Variants in COL25A1 observed in about 807,000 individuals in gnomAD.
COL25A1 encodes the protein collagen type XXV alpha 1 chain, also known as collagen alpha-1(XXV) chain.
In COL25A1, 103 loss-of-function variants were observed where a neutral mutation model predicts 128.4. The ratio of observed to expected loss-of-function variants is 0.80; its 90% CI spans 0.68 to 0.94. The LOEUF is 0.94. COL25A1 is among the 40% of genes least tolerant of loss of function. The pLI, the probability that COL25A1 is intolerant of heterozygous loss-of-function variation, is 0.00. For synonymous variants in COL25A1, 279 were observed against 277.2 expected (o/e 1.01, Z -0.06); for missense variants, 745 against 840.0 (o/e 0.89, Z 1.40).
Position 109,048,491 on chromosome 4 carries a change from G to C in COL25A1, c.413-316C>G, listed in dbSNP as rs369867673. ...AATTTATAAAAGTTTAGAGAAGTAT[G>C]AATTATGAGAATATTTGGTAATTTA... is the stretch of plus-strand genomic sequence containing the variant. On this transcript the variant is annotated intron_variant, in intron 4 of 37. Coordinates refer to ENST00000399132, the MANE Select transcript of COL25A1 (RefSeq NM_198721.4). Among the ~76,000 whole-genome samples the C allele has an allele frequency of 1.1e-4, 17 of 152,238 alleles. No individual in the cohort carries two copies. In the East Asian group the frequency reaches 2.1e-3, roughly 19 times the overall value.
chr4:109,196,414 T>A (rs748124532), intron 3 of COL25A1, among the ~76,000 whole-genome samples: 6 of 152,148 alleles, frequency 3.9e-5, no homozygotes, highest in Non-Finnish European at 8.8e-5. Context: ...TGTATATATG[T>A]GTATATATGT....
chr4:108,871,223 CAG>C (rs915209674), intron 19 of COL25A1, among the ~76,000 whole-genome samples: 37 of 152,188 alleles, frequency 2.4e-4, no homozygotes, highest in African/African-American at 7.9e-4. Flanking sequence ...TTCTTTGAAA[CAG>C]AAAATTCAGG....
chr4:109,037,918 A>G (rs1240278325), intron 5 of COL25A1, among the ~76,000 whole-genome samples: 1 of 152,228 alleles, frequency 6.6e-6, no homozygotes, highest in Non-Finnish European at 1.5e-5. Flanking sequence ...ATGCATATTT[A>G]CACAACACTG....
rs1171265414 is a variant in COL25A1, at chr4:108,990,212, CAAAAAAAAAAAA to C, written c.439-15665_439-15654del. ...GGGCAACAAGAGCAAAACTCCATCT[CAAAAAAAAAAAA>C]AAAAAAAAAAAAAAAATATATATAT... is the stretch of plus-strand genomic sequence containing the variant. On this transcript the variant is annotated intron_variant, in intron 6 of 37. Transcript: ENST00000399132. 5.5e-4 allele frequency among the ~76,000 whole-genome samples: 22 copies of C among 39,738 alleles called. No individual in the cohort carries two copies. The East Asian group carries it at 6.0e-3, about 11-fold the overall frequency. 26.1% of individuals were successfully genotyped at this position (39,738 alleles called of 152,430 possible). A position where few individuals can be genotyped will look rare whatever the true frequency, so the allele number is the denominator to read the frequency against.
chr4:108,929,117 TTTTTGTTTTG>T (rs151049059), intron 11 of COL25A1, among the ~76,000 whole-genome samples: 2 of 151,980 alleles, frequency 1.3e-5, no homozygotes, highest in African/African-American at 4.8e-5. Context: ...GGTTGTTTCT[TTTTTGTTTTG>T]TTTTGTTTTG....
chr4:109,233,791 G>C (rs752815334), intron 3 of COL25A1, among the ~76,000 whole-genome samples: 1 of 152,062 alleles, frequency 6.6e-6, no homozygotes, highest in Non-Finnish European at 1.5e-5. Context: ...GTAATTATAG[G>C]CTTCCAGAGG....
At chr4:109,219,686 C>T (rs1007712304) in intron 3 of COL25A1, among the ~76,000 whole-genome samples, 1 of 152,170 alleles carries the variant, frequency 6.6e-6, no homozygotes, top group African/African-American at 2.4e-5. Context: ...CATCCTAGCA[C>T]AAGCAGCCTC....
At chr4:108,960,765 G>A (rs925771877) in intron 8 of COL25A1, among the ~76,000 whole-genome samples, 10 of 151,924 alleles carry the variant, frequency 6.6e-5, no homozygotes, top group Admixed American at 6.6e-4. Flanking sequence ...CTCTAAGATC[G>A]AAGTCAAGGT....
chr4:109,070,988 A>G (rs1213857864), intron 3 of COL25A1, among the ~76,000 whole-genome samples: 1 of 152,164 alleles, frequency 6.6e-6, no homozygotes, highest in Admixed American at 6.5e-5. Context: ...CGCATTGCCA[A>G]GACAATCCTA....
intron 8 of COL25A1, among the ~76,000 whole-genome samples, chr4:108,955,208 A>G (rs1028887123): frequency 4.6e-5 from 7 of 151,552 alleles, no homozygotes; most frequent in Admixed American, 4.6e-4. Flanking sequence ...CAAGTAAGAC[A>G]CATTAAAGAG....
intron 13 of COL25A1, among the ~76,000 whole-genome samples, chr4:108,906,213 C>T (rs947735752): frequency 5.9e-5 from 9 of 152,156 alleles, no homozygotes; most frequent in Non-Finnish European, 1.0e-4. Flanking sequence ...CCTTCTGCTG[C>T]CCCCTCACAT....
chr4:108,957,666 G>C (rs1452899956), intron 8 of COL25A1, among the ~76,000 whole-genome samples: 1 of 152,170 alleles, frequency 6.6e-6, no homozygotes, highest in Non-Finnish European at 1.5e-5. Flanking sequence ...TGAGTTCCTT[G>C]TTACTGAAAA....
chr4:108,862,955 T>A (rs1212349433), intron 21 of COL25A1, among the ~76,000 whole-genome samples: 1 of 152,202 alleles, frequency 6.6e-6, no homozygotes. Flanking sequence ...GACAAATAAG[T>A]CCTTAGCTCT....
At chr4:109,092,439 T>C (rs1448646811) in intron 3 of COL25A1, among the ~76,000 whole-genome samples, 3 of 152,166 alleles carry the variant, frequency 2.0e-5, no homozygotes, top group Non-Finnish European at 2.9e-5. Context: ...CAGTAAGCTA[T>C]GGTCATGCCA....
chr4:108,844,678 A>G, intron 29 of COL25A1, 109 bp from the exon 30 acceptor site: 1 of 1,412,224 alleles, frequency 7.1e-7, no homozygotes, highest in Non-Finnish European at 9.5e-7. Context: ...TTGGAGAGGA[A>G]GAAAGATACT....
intron 3 of COL25A1, among the ~76,000 whole-genome samples, chr4:109,199,651 A>G (rs1776397752): frequency 6.6e-6 from 1 of 152,226 alleles, no homozygotes; most frequent in Non-Finnish European, 1.5e-5. Flanking sequence ...TATAGTTGCC[A>G]TCAGAGATAT....
rs558541854 is a variant in COL25A1 at position 108,836,113 on chromosome 4, G to A, written c.1657-3680C>T. Among the ~76,000 whole-genome samples, 5 of 146,524 alleles carry A rather than the reference G, an allele frequency of 3.4e-5. No homozygotes were observed. In the East Asian group the frequency reaches 8.4e-4, roughly 25 times the overall value. On this transcript the variant is annotated intron_variant, in intron 31 of 37. Transcript: ENST00000399132. ...TCTTGATCTCCTAACCTGGTGATCC[G>A]CCCACCTCGGCCTCCCAAAGTGCTG...
chr4:108,887,990 A>G (rs1741024732), intron 18 of COL25A1, among the ~76,000 whole-genome samples: 2 of 152,172 alleles, frequency 1.3e-5, no homozygotes, highest in African/African-American at 4.8e-5. Flanking sequence ...TGTATCACTA[A>G]TTCCAAATTT....
At chr4:109,126,710 A>G (rs921634548) in intron 3 of COL25A1, among the ~76,000 whole-genome samples, 1 of 152,038 alleles carries the variant, frequency 6.6e-6, no homozygotes, top group African/African-American at 2.4e-5. Flanking sequence ...TTCTCTCTTC[A>G]CTTCTTCACT....
Sources: allele counts gnomAD v4.1 joint callset (sites outside exome capture counted in the v4.1 genomes callset), GRCh38; gene constraint gnomAD v4.1.1; transcripts MANE v1.5; gene names NCBI Gene and HGNC (gene_info 2026-07-23, HGNC 2026-07-21).